NHSL1: variants seen among roughly 807,000 people sequenced by gnomAD.
The protein encoded by NHSL1 is NHS like 1.
A neutral mutation model predicts 95.0 loss-of-function variants in NHSL1; 48 were observed. That is an observed-to-expected ratio of 0.51 (90% CI 0.40 to 0.64). The LOEUF (loss-of-function observed/expected upper bound fraction) is 0.64, where lower values mean the gene tolerates loss of function less well. NHSL1 is among the 30% of genes least tolerant of loss of function. The pLI, the probability that NHSL1 is intolerant of heterozygous loss-of-function variation, is 0.00. For synonymous variants in NHSL1, 783 were observed against 833.9 expected, an observed-to-expected ratio of 0.94 and a Z score of 1.05; for missense variants, 1,971 against 2,077.7, an observed-to-expected ratio of 0.95 and a Z score of 1.00.
intron 1 of NHSL1, among the ~76,000 whole-genome samples, chr6:138,569,664 C>T (rs1281644391): frequency 6.6e-6 from 1 of 152,172 alleles, no homozygotes; most frequent in Non-Finnish European, 1.5e-5. Flanking sequence ...ACAAATGTCA[C>T]TTCTGTATTT....
At chr6:138,594,262 C>T (rs1205281560) in intron 1 of NHSL1, among the ~76,000 whole-genome samples, 1 of 152,028 alleles carries the variant, frequency 6.6e-6, no homozygotes, top group Non-Finnish European at 1.5e-5. Flanking sequence ...AACAGTTAGA[C>T]TCTCATTCAC....
chr6:138,678,964 G>A (rs906450127), intron 1 of NHSL1, among the ~76,000 whole-genome samples: 7 of 151,962 alleles, frequency 4.6e-5, no homozygotes, highest in Non-Finnish European at 7.4e-5. Flanking sequence ...CACCTTCATC[G>A]CCTCCCACCT....
At chr6:138,565,027 G>A (rs188736977) in intron 1 of NHSL1, among the ~76,000 whole-genome samples, 4 of 152,276 alleles carry the variant, frequency 2.6e-5, no homozygotes, top group Admixed American at 6.5e-5. Context: ...AAAGTTTCAC[G>A]CCATGTAAAG....
intron 3 of NHSL1, chr6:138,464,085 C>A: frequency 4.4e-6 from 2 of 449,610 alleles, no homozygotes; most frequent in South Asian, 6.2e-5. Flanking sequence ...AAGATGGTGG[C>A]CGCGCACGAG....
chr6:138,496,651 T>C (rs1780371557), intron 1 of NHSL1, among the ~76,000 whole-genome samples: 1 of 152,190 alleles, frequency 6.6e-6, no homozygotes, highest in Admixed American at 6.5e-5. Flanking sequence ...CTCCCTTTAC[T>C]CCAATGTTTG....
chr6:138,675,169 AGGCTGCTGGT>A (rs1270613599), intron 1 of NHSL1, among the ~76,000 whole-genome samples: 10 of 152,154 alleles, frequency 6.6e-5, no homozygotes, highest in Admixed American at 2.0e-4. Flanking sequence ...ATGGATCTGC[AGGCTGCTGGT>A]GGCTCCCCTT....
At position 138,634,790 on chromosome 6, in the gene NHSL1, T is replaced by C. The variant is rs201599561; in HGVS notation, c.96+57686A>G. The stretch of plus-strand genomic sequence containing the variant: ...ATCATACTCAAGGATAGACCATATG[T>C]TAGGTCACAGAACAAGTCCTAAAAC... On this transcript the variant is annotated intron_variant, in intron 1 of 3. Transcript: ENST00000491526. Among the ~76,000 whole-genome samples, 4 of 151,988 alleles carry C rather than the reference T, an allele frequency of 2.6e-5. No individual in the cohort carries two copies. The East Asian group carries it at 7.7e-4, about 29-fold the overall frequency.
At chr6:138,440,455 T>G (rs954693704) in intron 5 of NHSL1, among the ~76,000 whole-genome samples, 4 of 152,130 alleles carry the variant, frequency 2.6e-5, no homozygotes, top group East Asian at 3.8e-4. Flanking sequence ...AAGACAGACT[T>G]CACAATCCCA....
upstream of NHSL1, among the ~76,000 whole-genome samples, chr6:138,574,679 A>AAG (rs1783937501): frequency 6.9e-6 from 1 of 144,088 alleles, no homozygotes; most frequent in African/African-American, 2.7e-5. Flanking sequence ...ATGCAAAAAA[A>AAG]AAAAAAAAGA....
chr6:138,490,405 C>T (rs1184334568), intron 2 of NHSL1, among the ~76,000 whole-genome samples: 1 of 152,026 alleles, frequency 6.6e-6, no homozygotes, highest in Non-Finnish European at 1.5e-5. Context: ...TCTCAGGGAC[C>T]CACGTGCTCT....
At chr6:138,667,453 T>C (rs1785309364) in intron 1 of NHSL1, among the ~76,000 whole-genome samples, 1 of 152,256 alleles carries the variant, frequency 6.6e-6, no homozygotes, top group Non-Finnish European at 1.5e-5. Flanking sequence ...ATGAAACTGC[T>C]GTTAAGCTGT....
intron 1 of NHSL1, among the ~76,000 whole-genome samples, chr6:138,558,313 G>A (rs1470199191): frequency 6.6e-6 from 1 of 151,358 alleles, no homozygotes; most frequent in Non-Finnish European, 1.5e-5. Context: ...TAGTAGAGAT[G>A]TGGTTTCACC....
intron 1 of NHSL1, among the ~76,000 whole-genome samples, chr6:138,511,589 T>C (rs1781233229): frequency 6.6e-6 from 1 of 151,682 alleles, no homozygotes; most frequent in Non-Finnish European, 1.5e-5. Context: ...GCCCAGCCAC[T>C]ATAAGAATTT....
chr6:138,663,884 C>A lies in NHSL1; in HGVS notation c.96+28592G>T, dbSNP rs568798550. Among the ~76,000 whole-genome samples, 7 of 151,900 alleles carry A rather than the reference C, an allele frequency of 4.6e-5. No individual in the cohort carries two copies. In the South Asian group the frequency reaches 6.2e-4, roughly 14 times the overall value. On this transcript the variant is annotated intron_variant, in intron 1 of 3. Transcript: ENST00000491526. Reference sequence around the variant, plus strand: ...AGACTCTATCTCAAAGAAAAAAAATCATTCTAGGAAAATCTACACAAAACA... The same window carrying A: ...AGACTCTATCTCAAAGAAAAAAAATAATTCTAGGAAAATCTACACAAAACA...
upstream of NHSL1, among the ~76,000 whole-genome samples, chr6:138,573,596 G>A (rs1318446066): frequency 1.3e-5 from 2 of 152,310 alleles, no homozygotes; most frequent in East Asian, 3.9e-4. Context: ...GTTCTACAAA[G>A]TGTTACTAAG....
upstream of NHSL1, chr6:138,692,588 G>T (rs1317295043): frequency 5.2e-6 from 1 of 192,782 alleles, no homozygotes; most frequent in South Asian, 8.2e-5. This position sits in a 1 kb window ranked among gnomAD's most constrained non-coding sequence, Gnocchi z 4.0. Context: ...CCTCGAGCTC[G>T]CCGAAGATGT....
At chr6:138,690,550 G>C (rs1408473228) in intron 1 of NHSL1, among the ~76,000 whole-genome samples, 2 of 152,134 alleles carry the variant, frequency 1.3e-5, no homozygotes, top group Admixed American at 6.5e-5. Flanking sequence ...AGACCAGCCT[G>C]ACAAACATGG....
intron 1 of NHSL1, among the ~76,000 whole-genome samples, chr6:138,558,663 C>T (rs2128338354): frequency 6.6e-6 from 1 of 152,276 alleles, no homozygotes; most frequent in Non-Finnish European, 1.5e-5. Flanking sequence ...TCGTGATCCA[C>T]CTGCCTCGGC....
chr6:138,626,415 C>A (rs1784737964), intron 1 of NHSL1, among the ~76,000 whole-genome samples: 1 of 152,156 alleles, frequency 6.6e-6, no homozygotes, highest in African/African-American at 2.4e-5. Context: ...TTTACTAAAT[C>A]ATCAGACACA....
Sources: gnomAD v4.1 joint callset for allele counts (sites outside exome capture counted in the v4.1 genomes callset) on GRCh38, gnomAD v4.1.1 for gene constraint, Gnocchi (gnomAD v3.1) non-coding constraint, MANE v1.5 for transcripts, NCBI Gene and HGNC (gene_info 2026-07-23, HGNC 2026-07-21) for gene names.